The following EML4 variants were observed in gnomAD, a reference collection of about 807,000 sequenced individuals.
EML4 encodes echinoderm microtubule-associated protein-like 4.
In EML4, 72 loss-of-function variants were observed where a neutral mutation model predicts 129.0. The observed-to-expected ratio is 0.56, with a 90% CI of 0.46 to 0.68. EML4 has a LOEUF of 0.68. EML4 is among the 30% of genes least tolerant of loss of function. The probability of loss-of-function intolerance (pLI) is 0.00; values close to 1 mark genes in which losing one functional copy is unlikely to be tolerated. For missense variants in EML4, 1,363 were observed against 1,190.6 expected, an observed-to-expected ratio of 1.14 and a Z score of -2.13; for synonymous variants, 532 against 405.0, an observed-to-expected ratio of 1.31 and a Z score of -3.77.
intron 1 of EML4, among the ~76,000 whole-genome samples, chr2:42,193,835 A>G (rs1671742701): frequency 6.6e-6 from 1 of 152,082 alleles, no homozygotes; most frequent in African/African-American, 2.4e-5. Flanking sequence ...ACAGGCATGC[A>G]CCACCATACC....
chr2:42,216,283 C>A (rs1673185706), intron 1 of EML4, among the ~76,000 whole-genome samples: 1 of 137,616 alleles, frequency 7.3e-6, no homozygotes, highest in Admixed American at 7.7e-5. Flanking sequence ...TGCTCTGTCA[C>A]CCAGGCTGGA....
intron 1 of EML4, among the ~76,000 whole-genome samples, chr2:42,213,842 A>G (rs1019120772): frequency 2.6e-5 from 4 of 152,216 alleles, no homozygotes; most frequent in South Asian, 2.1e-4. Context: ...TTCTTAAAAC[A>G]TATAAAATTA....
intron 3 of EML4, among the ~76,000 whole-genome samples, 166 bp downstream of exon 3, chr2:42,256,796 GCTTGCACTCAT>G (rs2104359437): frequency 6.6e-6 from 1 of 152,308 alleles, no homozygotes; most frequent in South Asian, 2.1e-4. Context: ...TGCTCACTCA[GCTTGCACTCAT>G]CATGCCTGTC....
chr2:42,185,866 C>T (rs578111126), intron 1 of EML4, among the ~76,000 whole-genome samples: 2 of 152,110 alleles, frequency 1.3e-5, no homozygotes, highest in South Asian at 4.2e-4. Flanking sequence ...ACATGAAGGG[C>T]CTGAAACAGG....
intron 1 of EML4, among the ~76,000 whole-genome samples, chr2:42,210,848 T>C (rs1672847595): frequency 1.3e-5 from 2 of 152,342 alleles, no homozygotes; most frequent in Non-Finnish European, 2.9e-5. Context: ...TAGAATAATT[T>C]AGTTTTTAGA....
intron 1 of EML4, among the ~76,000 whole-genome samples, chr2:42,192,247 G>C (rs535560164): frequency 1.3e-5 from 2 of 148,782 alleles, no homozygotes; most frequent in African/African-American, 5.0e-5. Flanking sequence ...TTTTTTTGGG[G>C]GGGGGAGGTG....
intron 8 of EML4, among the ~76,000 whole-genome samples, chr2:42,284,063 A>G (rs1472535492): frequency 6.6e-6 from 1 of 152,220 alleles, no homozygotes; most frequent in East Asian, 1.9e-4. Flanking sequence ...GCTACTTCCC[A>G]TTTCTATTTA....
chr2:42,286,209 G>A (rs761495523), intron 9 of EML4, 60 bp from the exon 10 acceptor site: 6 of 910,964 alleles, frequency 6.6e-6, no homozygotes, highest in Non-Finnish European at 1.1e-5. Context: ...AGTTCTGTGT[G>A]CTATTGGTGT....
intron 17 of EML4, among the ~76,000 whole-genome samples, chr2:42,307,947 G>A (rs779536730): frequency 2.2e-4 from 33 of 152,268 alleles, no homozygotes; most frequent in Non-Finnish European, 3.8e-4. Flanking sequence ...GAGCCACCAC[G>A]CCCAGCCAAG....
chr2:42,288,527 A>T, intron 11 of EML4: 1 of 321,922 alleles, frequency 3.1e-6, no homozygotes. Context: ...AGCAACTTGA[A>T]GCAATTTCAA....
intron 17 of EML4, among the ~76,000 whole-genome samples, chr2:42,311,301 T>A (rs778852488): frequency 6.6e-6 from 1 of 152,234 alleles, no homozygotes; most frequent in Non-Finnish European, 1.5e-5. Context: ...GGTGCAGTGC[T>A]CACACCTGTA....
intron 19 of EML4, among the ~76,000 whole-genome samples, chr2:42,320,698 A>G (rs534163959): frequency 2.4e-4 from 37 of 152,228 alleles, no homozygotes; most frequent in Admixed American, 1.5e-3. Flanking sequence ...GTCCTGATTG[A>G]CCTAAAGTTT....
At chr2:42,217,074 C>T (rs1177193926) in intron 1 of EML4, among the ~76,000 whole-genome samples, 1 of 152,182 alleles carries the variant, frequency 6.6e-6, no homozygotes, top group Non-Finnish European at 1.5e-5. Context: ...AACCAATATT[C>T]TGACAGTCAA....
rs758586480 is a variant in EML4, at chr2:42,261,166, A to C, written c.384A>C (p.Lys128Asn). 1.5e-5 allele frequency: 25 copies of C among 1,613,716 alleles called. No individual in the cohort carries two copies. The highest frequency in any genetic ancestry group is 2.1e-5 in the Non-Finnish European group (25 of 1,179,868). Residue 128 changes from lysine to asparagine, a missense_variant, in exon 4 of 23, where the codon AAA becomes AAC. Transcript: ENST00000318522. Reference sequence around the variant, plus strand: ...AAAAACCACAAGGACAGAGAGAAAAAAAAGAGGAATCTCATTCTAATGATC... The same window carrying C: ...AAAAACCACAAGGACAGAGAGAAAACAAAGAGGAATCTCATTCTAATGATC... ...KKEKPQGQREKKEESHSNDQS... is the reference protein window; with the variant it reads ...KKEKPQGQRENKEESHSNDQS...
chr2:42,278,253 T>C (rs1666767985), intron 6 of EML4, among the ~76,000 whole-genome samples: 2 of 152,140 alleles, frequency 1.3e-5, no homozygotes, highest in South Asian at 4.1e-4. Context: ...GTGGGGTTTT[T>C]TTGGTTTTTT....
intron 17 of EML4, among the ~76,000 whole-genome samples, chr2:42,308,333 C>G (rs1234673796): frequency 6.6e-6 from 1 of 151,946 alleles, no homozygotes; most frequent in African/African-American, 2.4e-5. Context: ...TGGCAAAACC[C>G]TGTCTTTACA....
rs1421440915 is a variant in EML4 at position 42,169,564 on chromosome 2, T to C, written c.-48T>C. ...TCGGCCACTCTGTCGGTCCGCTGAA[T>C]GAAGTGCCCGCCCCTCTAAGCCCGG... On this transcript the variant is annotated 5_prime_UTR_variant, in exon 1 of 23. An upstream start codon of the reference 5' UTR is lost. Transcript: ENST00000318522. The C allele has an allele frequency of 1.3e-6, 2 of 1,586,222 alleles. No homozygotes were observed. The highest frequency in any genetic ancestry group is 2.3e-5 in the East Asian group (1 of 42,946).
chr2:42,217,701 G>C (rs957102652), intron 1 of EML4, among the ~76,000 whole-genome samples: 2 of 152,194 alleles, frequency 1.3e-5, no homozygotes, highest in South Asian at 4.1e-4. Context: ...GTCTTAATGA[G>C]TAGTTAGGTA....
chr2:42,249,900 C>T (rs896261927), intron 2 of EML4, among the ~76,000 whole-genome samples: 3 of 152,028 alleles, frequency 2.0e-5, no homozygotes, highest in Non-Finnish European at 4.4e-5. Context: ...AATATATGCA[C>T]CAGTTGCAGC....
Sources: allele counts gnomAD v4.1 joint callset (sites outside exome capture counted in the v4.1 genomes callset), GRCh38; gene constraint gnomAD v4.1.1; transcripts MANE v1.5; gene names NCBI Gene and HGNC (gene_info 2026-07-23, HGNC 2026-07-21).